Variants in SAMD4A observed in about 807,000 individuals in gnomAD.
The protein encoded by SAMD4A is protein Smaug homolog 1.
A neutral mutation model predicts 81.3 loss-of-function variants in SAMD4A; 33 were observed. That is an observed-to-expected ratio of 0.41 (90% CI 0.31 to 0.54). The LOEUF is 0.54. Ranked by LOEUF, SAMD4A falls within the 20% of genes least tolerant of loss-of-function variation. The pLI, the probability that SAMD4A is intolerant of heterozygous loss-of-function variation, is 0.37. For missense variants in SAMD4A, 854 were observed against 951.1 expected (o/e 0.90, Z 1.34); for synonymous variants, 389 against 382.1 (o/e 1.02, Z -0.21).
At chr14:54,644,644 G>A (rs1258609812) in intron 2 of SAMD4A, among the ~76,000 whole-genome samples, 7 of 152,224 alleles carry the variant, frequency 4.6e-5, no homozygotes, top group African/African-American at 1.7e-4. Flanking sequence ...ATGGCCCTCG[G>A]TAAGGGAAGG....
At position 54,785,125 on chromosome 14, in the gene SAMD4A, G is replaced by C. The variant is rs564808715; in HGVS notation, c.2128+505G>C. On this transcript the variant is annotated intron_variant, in intron 12 of 12. Transcript: ENST00000554335. Reference sequence around the variant, plus strand: ...ACCCAGCTTGTTTGTGTATCTCCCAGTTGCAAACAACTTTCTTGACACCTG... The same window carrying C: ...ACCCAGCTTGTTTGTGTATCTCCCACTTGCAAACAACTTTCTTGACACCTG... Among the ~76,000 whole-genome samples the C allele has an allele frequency of 2.6e-5, 4 of 152,362 alleles. No homozygotes were observed. The South Asian group carries it at 6.2e-4, about 24-fold the overall frequency.
Position 54,784,698 on chromosome 14 carries a change from C to T in SAMD4A, c.2128+78C>T, listed in dbSNP as rs1050175582. 455 of 1,312,600 alleles carry T rather than the reference C, an allele frequency of 3.5e-4. 1 individual carries two copies. Among genetic ancestry groups the T allele is most frequent in the Middle Eastern group, 7.5e-4 (4 of 5,364 alleles). 81.3% of individuals were successfully genotyped at this position (1,312,600 alleles called of 1,614,324 possible). On this transcript the variant is annotated intron_variant, in intron 12 of 12. Transcript: ENST00000554335. Reference sequence around the variant, plus strand: ...AGAACTGGCCATCTGCTGTCTATACCGTGGCAGGAGCTCAGGAGAATTGGG... The same window carrying T: ...AGAACTGGCCATCTGCTGTCTATACTGTGGCAGGAGCTCAGGAGAATTGGG...
At chr14:54,634,308 A>G (rs1459597741) in intron 2 of SAMD4A, among the ~76,000 whole-genome samples, 1 of 147,044 alleles carries the variant, frequency 6.8e-6, no homozygotes, top group Non-Finnish European at 1.5e-5. Context: ...GGAGGGGGGA[A>G]GTACTGTTGA....
intron 2 of SAMD4A, among the ~76,000 whole-genome samples, chr14:54,615,168 C>A (rs1203408720): frequency 6.6e-6 from 1 of 152,164 alleles, no homozygotes; most frequent in Non-Finnish European, 1.5e-5. Context: ...ACTGACCCAC[C>A]TGGAGAGGTG....
intron 2 of SAMD4A, among the ~76,000 whole-genome samples, chr14:54,598,689 C>A (rs958600177): frequency 6.6e-6 from 1 of 152,038 alleles, no homozygotes; most frequent in African/African-American, 2.4e-5. Context: ...CATAAGCTCA[C>A]AGCAAAAAAC....
At chr14:54,731,852 T>G (rs2037565339) in intron 3 of SAMD4A, among the ~76,000 whole-genome samples, 1 of 152,208 alleles carries the variant, frequency 6.6e-6, no homozygotes, top group South Asian at 2.1e-4. Context: ...AGTGTAGGAA[T>G]ATTTAATGCC....
intron 2 of SAMD4A, among the ~76,000 whole-genome samples, chr14:54,687,749 C>T (rs2036313991): frequency 6.6e-6 from 1 of 151,868 alleles, no homozygotes; most frequent in African/African-American, 2.4e-5. Context: ...CCCTAAGTGC[C>T]GTATTGATTT....
chr14:54,569,160 T>C (rs561303624), intron 2 of SAMD4A, among the ~76,000 whole-genome samples: 1 of 152,186 alleles, frequency 6.6e-6, no homozygotes, highest in Admixed American at 6.5e-5. Flanking sequence ...AGCTGTTCCA[T>C]GTTGGAGCTG....
chr14:54,663,826 CTCTA>C (rs1455993480), intron 2 of SAMD4A, among the ~76,000 whole-genome samples: 1 of 152,188 alleles, frequency 6.6e-6, no homozygotes, highest in Non-Finnish European at 1.5e-5. Flanking sequence ...GCGCACCAAC[CTCTA>C]TCTATGGCAG....
intron 9 of SAMD4A, among the ~76,000 whole-genome samples, chr14:54,771,064 C>T (rs182227982): frequency 1.4e-4 from 22 of 151,812 alleles, no homozygotes; most frequent in Admixed American, 2.0e-4. Flanking sequence ...GCTCTCTGCC[C>T]GTGGTGTTAA....
In SAMD4A at chr14:54,770,119, C is replaced by G. The variant is rs1445226927; in HGVS notation, c.1612C>G (p.Gln538Glu). 6.2e-7 allele frequency: 1 copy of G among 1,613,454 alleles called. No homozygotes were observed. Among genetic ancestry groups the G allele is most frequent in the Admixed American group, 1.7e-5 (1 of 59,968 alleles). Residue 538 changes from glutamine (Q) to glutamate (E), a missense_variant, in exon 9 of 13, where the codon CAG becomes GAG. By Grantham distance (29) the Gln-to-Glu change is conservative. Coordinates refer to ENST00000554335, the MANE Select transcript of SAMD4A (RefSeq NM_015589.6). The part of the protein sequence containing the change: ...CLIHEAFTET[Q>E]KKRLLSWKQQ... ...GTTTTTGCAGGCATTTACAGAGACA[C>G]AGAAAAAAAGATTGTTGTCATGGAA...
upstream of SAMD4A, among the ~76,000 whole-genome samples, chr14:54,566,244 G>A (rs1422645680): frequency 6.6e-6 from 1 of 151,106 alleles, no homozygotes; most frequent in African/African-American, 2.4e-5. Flanking sequence ...CCCCAACCCC[G>A]CTGAGAGCCG....
intron 2 of SAMD4A, among the ~76,000 whole-genome samples, chr14:54,621,388 C>T (rs540726828): frequency 1.3e-5 from 2 of 150,648 alleles, no homozygotes; most frequent in Non-Finnish European, 2.9e-5. Flanking sequence ...CTCGCTGTGT[C>T]CCCCAGGCTG....
intron 11 of SAMD4A, among the ~76,000 whole-genome samples, chr14:54,783,114 C>G (rs917571090): frequency 6.6e-6 from 1 of 151,140 alleles, no homozygotes; most frequent in Non-Finnish European, 1.5e-5. Flanking sequence ...TGCCTCTCCC[C>G]TTAGGATTTT....
intron 2 of SAMD4A, among the ~76,000 whole-genome samples, chr14:54,683,937 G>T (rs1310926374): frequency 6.6e-6 from 1 of 152,126 alleles, no homozygotes; most frequent in Non-Finnish European, 1.5e-5. Flanking sequence ...GCAAAATATT[G>T]CCATAGAAAA....
At chr14:54,577,053 A>G (rs1345933045) in intron 2 of SAMD4A, among the ~76,000 whole-genome samples, 1 of 152,238 alleles carries the variant, frequency 6.6e-6, no homozygotes, top group Non-Finnish European at 1.5e-5. Flanking sequence ...GGAAGAGCCA[A>G]CACAAGCCTG....
intron 4 of SAMD4A, among the ~76,000 whole-genome samples, chr14:54,748,084 A>G (rs1047288991): frequency 2.6e-5 from 4 of 152,218 alleles, no homozygotes; most frequent in Non-Finnish European, 5.9e-5. Flanking sequence ...AAGTCCTGAT[A>G]TATTTTTGGT....
chr14:54,615,425 G>A (rs898724659), intron 2 of SAMD4A, among the ~76,000 whole-genome samples: 1 of 152,208 alleles, frequency 6.6e-6, no homozygotes, highest in African/African-American at 2.4e-5. Flanking sequence ...CATGTTCAGA[G>A]CACAGGAGAT....
intron 2 of SAMD4A, among the ~76,000 whole-genome samples, chr14:54,644,983 AAT>A (rs2035255911): frequency 6.6e-6 from 1 of 152,210 alleles, no homozygotes; most frequent in Non-Finnish European, 1.5e-5. Context: ...CTGTTAAAAA[AAT>A]AGTTATCTGA....
Sources: allele counts gnomAD v4.1 joint callset (sites outside exome capture counted in the v4.1 genomes callset), GRCh38; gene constraint gnomAD v4.1.1; transcripts MANE v1.5; gene names NCBI Gene and HGNC (gene_info 2026-07-23, HGNC 2026-07-21).